SORCS3: variants seen among roughly 807,000 people sequenced by gnomAD.
The protein encoded by SORCS3 is sortilin related VPS10 domain containing receptor 3.
Under a neutral mutation model 146.3 loss-of-function variants are expected in SORCS3, and 57 were observed. The ratio of observed to expected loss-of-function variants is 0.39; its 90% CI spans 0.31 to 0.49. The LOEUF (loss-of-function observed/expected upper bound fraction) is 0.49, where lower values mean the gene tolerates loss of function less well. SORCS3 is among the 20% of genes least tolerant of loss of function. The pLI, the probability that SORCS3 is intolerant of heterozygous loss-of-function variation, is 0.92. For missense variants in SORCS3, 1,341 were observed against 1,575.5 expected (o/e 0.85, Z 2.52); for synonymous variants, 653 against 618.5 (o/e 1.06, Z -0.83).
intron 2 of SORCS3, among the ~76,000 whole-genome samples, chr10:104,903,754 C>G (rs1304955655): frequency 1.3e-5 from 2 of 152,084 alleles, no homozygotes; most frequent in Non-Finnish European, 2.9e-5. Context: ...CTCTTATTTT[C>G]TTATGAGTGT....
At chr10:105,201,932 A>G (rs757140500) in intron 16 of SORCS3, among the ~76,000 whole-genome samples, 2 of 152,168 alleles carry the variant, frequency 1.3e-5, no homozygotes, top group African/African-American at 4.8e-5. Context: ...TCTAATTTCA[A>G]TAAAACACAC....
intron 2 of SORCS3, among the ~76,000 whole-genome samples, chr10:104,887,626 G>A (rs530608923): frequency 1.5e-4 from 23 of 152,248 alleles, no homozygotes; most frequent in Non-Finnish European, 2.8e-4. Flanking sequence ...CTCACCCTGC[G>A]ATCTTGTCTG....
In SORCS3 at chr10:105,177,503, T is replaced by A. The variant is rs556991259; in HGVS notation, c.1902-563T>A. Among the ~76,000 whole-genome samples the A allele has an allele frequency of 2.6e-5, 4 of 152,270 alleles. No individual in the cohort carries two copies. The South Asian group carries it at 8.3e-4, about 32-fold the overall frequency. On this transcript the variant is annotated intron_variant, in intron 13 of 26. Coordinates refer to ENST00000369701, the MANE Select transcript of SORCS3 (RefSeq NM_014978.3). Reference sequence around the variant, plus strand: ...GTTTCCACAAGGGGCCAGACCTTCCTCTTACCTTTGGATGAAAGATGAGGC... The same window carrying A: ...GTTTCCACAAGGGGCCAGACCTTCCACTTACCTTTGGATGAAAGATGAGGC...
intron 2 of SORCS3, among the ~76,000 whole-genome samples, chr10:104,866,679 T>TTATTTGTAAATCATTCATTCATTG (rs1589529166): frequency 6.6e-6 from 1 of 152,244 alleles, no homozygotes; most frequent in East Asian, 1.9e-4. Context: ...TAAGTGTCTC[T>TTATTTGTAAATCATTCATTCATTG]TATTTGTAAA....
intron 1 of SORCS3, among the ~76,000 whole-genome samples, chr10:104,654,602 T>C (rs540401186): frequency 6.6e-6 from 1 of 152,232 alleles, no homozygotes; most frequent in Non-Finnish European, 1.5e-5. Context: ...AAATTTTGTT[T>C]TGCTCTCACA....
chr10:105,207,949 C>T (rs1195002235), intron 16 of SORCS3, among the ~76,000 whole-genome samples: 1 of 152,138 alleles, frequency 6.6e-6, no homozygotes, highest in Non-Finnish European at 1.5e-5. Flanking sequence ...GTTAATGGGA[C>T]ATTCAATAGA....
At chr10:105,057,791 G>A (rs566548249) in intron 5 of SORCS3, among the ~76,000 whole-genome samples, 1 of 152,248 alleles carries the variant, frequency 6.6e-6, no homozygotes, top group African/African-American at 2.4e-5. Context: ...AAAGGCACTG[G>A]CCTTCTTCCT....
chr10:105,242,585 T>C (rs11192377), intron 20 of SORCS3, among the ~76,000 whole-genome samples: 5,223 of 97,470 alleles, frequency 0.054, 193 homozygotes, highest in Middle Eastern at 0.15. Flanking sequence ...TATTTATATA[T>C]ATTTATATAT....
intron 4 of SORCS3, among the ~76,000 whole-genome samples, chr10:105,003,597 T>C (rs1412363976): frequency 2.0e-5 from 3 of 152,196 alleles, no homozygotes; most frequent in African/African-American, 7.2e-5. Flanking sequence ...GTCAGATAAA[T>C]ATGCAGAGCA....
In SORCS3 at chr10:104,760,784, T is replaced by C. The variant is rs886477670; in HGVS notation, c.628-82008T>C. The stretch of plus-strand genomic sequence containing the variant: ...ACTTCAGAAAGCTCATCAGTATGAG[T>C]CTCTTGATTCAGAGACAAGCAGTCT... On this transcript the variant is annotated intron_variant, in intron 1 of 26. Coordinates refer to ENST00000369701, the MANE Select transcript of SORCS3 (RefSeq NM_014978.3). 4.6e-5 allele frequency among the ~76,000 whole-genome samples: 7 copies of C among 152,066 alleles called. No individual in the cohort carries two copies. The East Asian group carries it at 1.4e-3, about 29-fold the overall frequency.
At chr10:105,010,219 A>G (rs1280771370) in intron 4 of SORCS3, among the ~76,000 whole-genome samples, 1 of 152,222 alleles carries the variant, frequency 6.6e-6, no homozygotes, top group Non-Finnish European at 1.5e-5. Flanking sequence ...ATGAAGAAAC[A>G]TGAAAGTACT....
At chr10:105,078,922 A>C (rs549982039) in intron 5 of SORCS3, among the ~76,000 whole-genome samples, 1 of 151,914 alleles carries the variant, frequency 6.6e-6, no homozygotes, top group African/African-American at 2.4e-5. Flanking sequence ...GTGATCTGTG[A>C]AAAGGAGCAC....
At chr10:104,859,047 A>ATG (rs905713699) in intron 2 of SORCS3, among the ~76,000 whole-genome samples, 20 of 151,090 alleles carry the variant, frequency 1.3e-4, no homozygotes, top group Non-Finnish European at 2.1e-4. Flanking sequence ...TGCAGCTTGT[A>ATG]TGTGTGTGTG....
chr10:104,985,867 T>TG (rs142515607), intron 4 of SORCS3, among the ~76,000 whole-genome samples: 13,215 of 152,226 alleles, frequency 0.087, 698 homozygotes, highest in African/African-American at 0.15. Flanking sequence ...TAAACTATAC[T>TG]TAAACAGATG....
At chr10:105,247,748 A>AAAG (rs71880366) in intron 22 of SORCS3, among the ~76,000 whole-genome samples, 7 of 150,800 alleles carry the variant, frequency 4.6e-5, no homozygotes, top group African/African-American at 1.7e-4. Context: ...ATTCTGTCAA[A>AAAG]AAGAAGAAGA....
At chr10:104,950,646 G>C (rs979699703) in intron 3 of SORCS3, among the ~76,000 whole-genome samples, 1 of 152,134 alleles carries the variant, frequency 6.6e-6, no homozygotes, top group Non-Finnish European at 1.5e-5. Context: ...TTGAATAGAA[G>C]GGCTAGCACA....
chr10:104,737,012 G>C (rs991042891), intron 1 of SORCS3, among the ~76,000 whole-genome samples: 32 of 150,910 alleles, frequency 2.1e-4, no homozygotes, highest in African/African-American at 7.8e-4. Flanking sequence ...TCCCATCTAT[G>C]ACTGAGAACA....
rs140530368 is a variant in SORCS3, at chr10:105,185,834, T to A, written c.2009+7661T>A. On this transcript the variant is annotated intron_variant, in intron 14 of 26. Coordinates refer to ENST00000369701, the MANE Select transcript of SORCS3 (RefSeq NM_014978.3). ...CATATGTGGACACTTTCAGCACTTATGTATTCATAGAAATATATGTGGTAT... is the reference window on the plus strand; with the variant it reads ...CATATGTGGACACTTTCAGCACTTAAGTATTCATAGAAATATATGTGGTAT... Among the ~76,000 whole-genome samples, 343 of 152,328 alleles carry A rather than the reference T, an allele frequency of 2.3e-3. 3 individuals are homozygous for A. The highest frequency in any genetic ancestry group is 7.8e-3 in the African/African-American group (326 of 41,578).
At chr10:105,242,026 C>T (rs2056826469) in intron 20 of SORCS3, among the ~76,000 whole-genome samples, 1 of 151,946 alleles carries the variant, frequency 6.6e-6, no homozygotes. Flanking sequence ...TTTAAACCGT[C>T]TTTAGCTTGG....
Sources: gnomAD v4.1 joint callset for allele counts (sites outside exome capture counted in the v4.1 genomes callset) on GRCh38, gnomAD v4.1.1 for gene constraint, MANE v1.5 for transcripts, NCBI Gene and HGNC (gene_info 2026-07-23, HGNC 2026-07-21) for gene names.